The following PATJ variants were observed in gnomAD, a reference collection of about 807,000 sequenced individuals.
PATJ encodes the protein inaD-like protein.
In PATJ, 190 loss-of-function variants were observed where a neutral mutation model predicts 224.9. The observed-to-expected ratio is 0.84, with a 90% CI of 0.75 to 0.95. The LOEUF is 0.95. Ranked by LOEUF, PATJ falls within the 40% of genes least tolerant of loss-of-function variation. PATJ has a pLI of 0.00. For missense variants in PATJ, 2,121 were observed against 2,270.3 expected, an observed-to-expected ratio of 0.93 and a Z score of 1.34; for synonymous variants, 769 against 820.3, an observed-to-expected ratio of 0.94 and a Z score of 1.07.
chr1:61,768,745 CA>C (rs1191674293), intron 4 of PATJ, among the ~76,000 whole-genome samples: 2 of 149,928 alleles, frequency 1.3e-5, no homozygotes, highest in Non-Finnish European at 3.0e-5. Flanking sequence ...ACAAAAAATA[CA>C]AAAATTTGCC....
intron 27 of PATJ, among the ~76,000 whole-genome samples, chr1:61,946,385 A>G (rs1678711489): frequency 6.6e-6 from 1 of 152,224 alleles, no homozygotes; most frequent in Non-Finnish European, 1.5e-5. Flanking sequence ...TAAAGGGGAT[A>G]TCACCACCAA....
In PATJ at chr1:61,834,859, G is replaced by C. The variant is rs1172817054; in HGVS notation, c.2112+1074G>C. Among the ~76,000 whole-genome samples the C allele has an allele frequency of 8.5e-5, 13 of 152,124 alleles. No homozygotes were observed. The East Asian group carries it at 2.5e-3, about 29-fold the overall frequency. ...TTCTACTGCCTTAGTGTCTTGAGTAGCTGAGACTACAGGCGCCTACCACTA... is the reference window on the plus strand; with the variant it reads ...TTCTACTGCCTTAGTGTCTTGAGTACCTGAGACTACAGGCGCCTACCACTA... On this transcript the variant is annotated intron_variant, in intron 17 of 43. Coordinates refer to ENST00000642238, the MANE Select transcript of PATJ (RefSeq NM_001350145.3).
intron 31 of PATJ, among the ~76,000 whole-genome samples, chr1:62,078,215 C>A (rs1658650918): frequency 6.6e-6 from 1 of 152,178 alleles, no homozygotes; most frequent in African/African-American, 2.4e-5. Flanking sequence ...AGGTTACTAC[C>A]TATATTTCTT....
At chr1:61,981,557 C>T (rs1644448697) in intron 27 of PATJ, among the ~76,000 whole-genome samples, 1 of 151,848 alleles carries the variant, frequency 6.6e-6, no homozygotes, top group African/African-American at 2.4e-5. Context: ...ACCCAAAGAC[C>T]CAGGGAAAAC....
intron 33 of PATJ, among the ~76,000 whole-genome samples, chr1:62,092,015 C>A (rs571421321): frequency 6.7e-6 from 1 of 148,928 alleles, no homozygotes; most frequent in African/African-American, 2.5e-5. Context: ...GAGATCGCAC[C>A]GCTGCACTCC....
intron 31 of PATJ, among the ~76,000 whole-genome samples, chr1:62,051,515 C>T (rs779725604): frequency 5.9e-5 from 9 of 152,132 alleles, no homozygotes; most frequent in Non-Finnish European, 8.8e-5. Context: ...TTAGTAGGGA[C>T]GGGATTTTGC....
At chr1:61,984,283 C>A (rs1644621742) in intron 27 of PATJ, among the ~76,000 whole-genome samples, 1 of 151,430 alleles carries the variant, frequency 6.6e-6, no homozygotes, top group Admixed American at 6.6e-5. Context: ...GCCTTAGCCT[C>A]CCGATTAGCT....
rs755193085 is a variant in PATJ at position 61,871,080 on chromosome 1, T to G, written c.2836-4163T>G. Among the ~76,000 whole-genome samples the G allele has an allele frequency of 8.5e-5, 12 of 141,766 alleles. No individual in the cohort carries two copies. The South Asian group carries it at 1.6e-3, about 18-fold the overall frequency. 93.0% of individuals were successfully genotyped at this position (141,766 alleles called of 152,430 possible). ...AAAGATTTGGTTTTTGTTTTTTTTGTTTTTTTTTTTTTGCCTGAGGGTTAT... is the reference window on the plus strand; with the variant it reads ...AAAGATTTGGTTTTTGTTTTTTTTGGTTTTTTTTTTTTGCCTGAGGGTTAT... On this transcript the variant is annotated intron_variant, in intron 20 of 43. Coordinates refer to ENST00000642238, the MANE Select transcript of PATJ (RefSeq NM_001350145.3).
At chr1:62,145,422 GGAGCCAAGGTGGGAGGATTACTT>G (rs1667944049) in intron 41 of PATJ, among the ~76,000 whole-genome samples, 1 of 152,144 alleles carries the variant, frequency 6.6e-6, no homozygotes, top group African/African-American at 2.4e-5. Context: ...CCTTACTTTT[GGAGCCAAGGTGGGAGGATTACTT>G]GAGCCCAGGA....
chr1:61,777,703 C>CTTTCTTTTTTTTTTTTTTTT (rs1415203243), intron 7 of PATJ, among the ~76,000 whole-genome samples: 1 of 48,742 alleles, frequency 2.1e-5, no homozygotes, highest in African/African-American at 1.1e-4. Context: ...TTCTTTCTTT[C>CTTTCTTTTTTTTTTTTTTTT]TTTTTTTTTT....
intron 30 of PATJ, among the ~76,000 whole-genome samples, chr1:62,050,190 TAAAAG>T (rs1283714447): frequency 6.8e-6 from 1 of 147,150 alleles, no homozygotes; most frequent in Non-Finnish European, 1.5e-5. Flanking sequence ...AAAAAATAAA[TAAAAG>T]AAATCAACAA....
At chr1:61,960,252 T>C (rs966060488) in intron 27 of PATJ, among the ~76,000 whole-genome samples, 1 of 152,200 alleles carries the variant, frequency 6.6e-6, no homozygotes, top group African/African-American at 2.4e-5. Flanking sequence ...ACTTACCTCT[T>C]TGGATTATTT....
At position 61,836,089 on chromosome 1, in the gene PATJ, G is replaced by A. The variant is rs556161687; in HGVS notation, c.2112+2304G>A. ...AAAAAAATTCAGTAAAGGATGGAAA[G>A]AAAAACTAGATAGTCCTTAAGAATT... On this transcript the variant is annotated intron_variant, in intron 17 of 43. Transcript: ENST00000642238. Among the ~76,000 whole-genome samples the A allele has an allele frequency of 3.2e-3, 487 of 152,252 alleles. 3 individuals are homozygous for A. Among genetic ancestry groups the A allele is most frequent in the African/African-American group, 0.011 (472 of 41,548 alleles).
chr1:61,800,958 T>A lies in PATJ; in HGVS notation c.1403-665T>A, dbSNP rs529506865. On this transcript the variant is annotated intron_variant, in intron 11 of 43. Transcript: ENST00000642238. ...TGTTCCATCGTGTATATGTGCCACA[T>A]TTTCTTAATCCAGTCTATCACTGAT... 3.5e-4 allele frequency among the ~76,000 whole-genome samples: 54 copies of A among 152,342 alleles called. 1 individual carries two copies. The highest frequency in any genetic ancestry group is 1.3e-3 in the African/African-American group (53 of 41,580).
rs774783784 is a variant in PATJ at position 62,116,690 on chromosome 1, A to C, written c.4803+11A>C. On this transcript the variant is annotated intron_variant, in intron 36 of 43. Coordinates refer to ENST00000642238, the MANE Select transcript of PATJ (RefSeq NM_001350145.3). ...GCCACCATCCTCAAGGTGAGTTGCT[A>C]GGCTGCTTTTTACCCAGCTGGCACA... 5.7e-5 allele frequency: 91 copies of C among 1,598,794 alleles called. 2 individuals are homozygous for C. In the South Asian group the frequency reaches 8.9e-4, roughly 16 times the overall value.
Position 62,092,754 on chromosome 1 carries a change from A to ATTTTTTT in PATJ, c.4377+8112_4377+8113insTTTTTTT, listed in dbSNP as rs546730237. On this transcript the variant is annotated intron_variant, in intron 33 of 43. Coordinates refer to ENST00000642238, the MANE Select transcript of PATJ (RefSeq NM_001350145.3). The stretch of plus-strand genomic sequence containing the variant: ...TATTTATTTATTTATTTATTTTTTT[A>ATTTTTTT]TTTTTTGAGCCAAGTCTCGCTCTGT... Among the ~76,000 whole-genome samples, 175 of 151,300 alleles carry ATTTTTTT rather than the reference A, an allele frequency of 1.2e-3. 4 individuals carry two copies. The East Asian group carries it at 0.026, about 23-fold the overall frequency.
intron 20 of PATJ, among the ~76,000 whole-genome samples, chr1:61,872,369 A>G (rs890279541): frequency 6.6e-6 from 1 of 152,222 alleles, no homozygotes; most frequent in Non-Finnish European, 1.5e-5. Flanking sequence ...ACCATGAAGC[A>G]GACCATCTGG....
chr1:61,781,852 A>G (rs1647409769), intron 7 of PATJ, among the ~76,000 whole-genome samples: 1 of 152,234 alleles, frequency 6.6e-6, no homozygotes, highest in South Asian at 2.1e-4. Context: ...TGAGGTGGAG[A>G]CTGGAGGAAA....
Position 61,912,736 on chromosome 1 carries a change from G to C in PATJ, c.3493-1851G>C, listed in dbSNP as rs371580574. ...TAGAGAGGAGGGGAGGGGAGGGAAG[G>C]CAGCGTAAACATTGTGAGTGGCAGC... On this transcript the variant is annotated intron_variant, in intron 25 of 43. Coordinates refer to ENST00000642238, the MANE Select transcript of PATJ (RefSeq NM_001350145.3). Among the ~76,000 whole-genome samples, 13 of 151,110 alleles carry C rather than the reference G, an allele frequency of 8.6e-5. No individual in the cohort carries two copies. In the South Asian group the frequency reaches 2.1e-3, roughly 25 times the overall value.
Sources: allele counts gnomAD v4.1 joint callset (sites outside exome capture counted in the v4.1 genomes callset), GRCh38; gene constraint gnomAD v4.1.1; transcripts MANE v1.5; gene names NCBI Gene and HGNC (gene_info 2026-07-23, HGNC 2026-07-21).